Variants in GABRA4 observed in about 807,000 individuals in gnomAD.
GABRA4 encodes the protein gamma-aminobutyric acid receptor subunit alpha-4.
Under a neutral mutation model 49.7 loss-of-function variants are expected in GABRA4, and 12 were observed. The observed-to-expected ratio is 0.24, with a 90% CI of 0.15 to 0.39. The LOEUF (loss-of-function observed/expected upper bound fraction) is 0.39, where lower values mean the gene tolerates loss of function less well. Among genes scored for constraint, GABRA4 ranks in the 10% least tolerant of loss-of-function variants. The probability of loss-of-function intolerance (pLI) is 1.00; values close to 1 mark genes in which losing one functional copy is unlikely to be tolerated. For missense variants in GABRA4, 506 were observed against 686.0 expected (o/e 0.74, Z 2.93); for synonymous variants, 288 against 240.2 (o/e 1.20, Z -1.84).
chr4:46,977,307 A>T (rs1723172197), intron 4 of GABRA4, 103 bp downstream of exon 4: 1 of 418,952 alleles, frequency 2.4e-6, no homozygotes, highest in Non-Finnish European at 4.3e-6. Context: ...GGAGGGAGGA[A>T]GGGAGGGAGG....
intron 2 of GABRA4, among the ~76,000 whole-genome samples, 175 bp from the exon 3 acceptor site, chr4:46,979,273 G>A (rs1249108933): frequency 3.3e-5 from 5 of 152,022 alleles, no homozygotes; most frequent in African/African-American, 1.2e-4. Context: ...AGCGCAACAA[G>A]ACCAGAAAGC....
At chr4:46,940,692 C>T (rs904165768) in intron 8 of GABRA4, among the ~76,000 whole-genome samples, 1 of 151,962 alleles carries the variant, frequency 6.6e-6, no homozygotes, top group Non-Finnish European at 1.5e-5. Flanking sequence ...ACTGTGACAC[C>T]GATTGGTAGC....
At position 46,968,864 on chromosome 4, in the gene GABRA4, T is replaced by C. The variant is rs1274942176; in HGVS notation, c.874+2219A>G. Among the ~76,000 whole-genome samples the C allele has an allele frequency of 2.0e-5, 3 of 151,568 alleles. No homozygotes were observed. In the East Asian group the frequency reaches 5.8e-4, roughly 29 times the overall value. ...AAATAAATAAAAGGTTATCAAGTCA[T>C]CACAATAATAATAATATATGGCAGA... On this transcript the variant is annotated intron_variant, in intron 7 of 8. Transcript: ENST00000264318.
rs188280448 is a variant in GABRA4 at position 46,921,428 on chromosome 4, C to A, written c.*6797G>T. ...AATCTCAGAGGAAAACTCTGGGATT[C>A]CCCTATAGAAACTAAAGAAGCTTGC... On this transcript the variant is annotated 3_prime_UTR_variant, in exon 9 of 9. Coordinates refer to ENST00000264318, the MANE Select transcript of GABRA4 (RefSeq NM_000809.4). The A allele has an allele frequency of 1.3e-5, 2 of 151,876 alleles. No individual in the cohort carries two copies. Among genetic ancestry groups the A allele is most frequent in the Non-Finnish European group, 2.9e-5 (2 of 67,888 alleles). 9.4% of individuals were successfully genotyped at this position (151,876 alleles called of 1,614,324 possible).
At chr4:46,933,948 T>G (rs1721525901) in intron 8 of GABRA4, among the ~76,000 whole-genome samples, 1 of 152,126 alleles carries the variant, frequency 6.6e-6, no homozygotes, top group South Asian at 2.1e-4. Flanking sequence ...CAGGAGCAGA[T>G]CCAGGCAATT....
At chr4:46,986,427 C>CT (rs1205916495) in intron 2 of GABRA4, among the ~76,000 whole-genome samples, 1 of 151,814 alleles carries the variant, frequency 6.6e-6, no homozygotes, top group Non-Finnish European at 1.5e-5. Flanking sequence ...TTTATTTTTT[C>CT]TTTCTTTATT....
chr4:46,962,944 A>G (rs1317951092), intron 8 of GABRA4, among the ~76,000 whole-genome samples: 1 of 151,820 alleles, frequency 6.6e-6, no homozygotes, highest in Non-Finnish European at 1.5e-5. Context: ...TCTGCCATAT[A>G]CAAGAATCAA....
intron 8 of GABRA4, among the ~76,000 whole-genome samples, chr4:46,952,199 A>G (rs571231682): frequency 6.6e-6 from 1 of 152,152 alleles, no homozygotes; most frequent in East Asian, 1.9e-4. Context: ...TTCAAGAGCT[A>G]TAGACTGAGG....
intron 2 of GABRA4, among the ~76,000 whole-genome samples, chr4:46,983,559 C>A (rs1328412891): frequency 1.3e-5 from 2 of 152,042 alleles, no homozygotes; most frequent in Non-Finnish European, 2.9e-5. Context: ...AAATATTCCC[C>A]ATTTTAAGAA....
At chr4:46,942,729 G>A (rs1721851847) in intron 8 of GABRA4, among the ~76,000 whole-genome samples, 1 of 151,408 alleles carries the variant, frequency 6.6e-6, no homozygotes, top group Non-Finnish European at 1.5e-5. Context: ...CTATATTCTA[G>A]CAATGTTCCA....
At chr4:46,970,332 T>A (rs1722907153) in intron 7 of GABRA4, among the ~76,000 whole-genome samples, 1 of 151,510 alleles carries the variant, frequency 6.6e-6, no homozygotes, top group African/African-American at 2.4e-5. Context: ...CTTCTTATTC[T>A]ACTACTGAAT....
chr4:46,971,254 G>A lies in GABRA4; in HGVS notation c.722-19C>T. The A allele has an allele frequency of 6.2e-7, 1 of 1,606,858 alleles. No homozygotes were observed. Among genetic ancestry groups the A allele is most frequent in the Non-Finnish European group, 8.5e-7 (1 of 1,175,330 alleles). The stretch of plus-strand genomic sequence containing the variant: ...TATTCACCTGCCAAGAAAACAGGAG[G>A]AAAATGTGTTATCGGTTCTGCAGGC... On this transcript the variant is annotated intron_variant, in intron 6 of 8. Coordinates refer to ENST00000264318, the MANE Select transcript of GABRA4 (RefSeq NM_000809.4).
chr4:46,970,579 TA>T (rs1383414145), intron 7 of GABRA4, among the ~76,000 whole-genome samples: 1 of 151,404 alleles, frequency 6.6e-6, no homozygotes, highest in Admixed American at 6.6e-5. Flanking sequence ...AAGAAGTAAG[TA>T]AATATATGAG....
chr4:46,986,962 A>G (rs1303754498), intron 2 of GABRA4, among the ~76,000 whole-genome samples: 2 of 152,150 alleles, frequency 1.3e-5, no homozygotes, highest in African/African-American at 2.4e-5. Flanking sequence ...TGGTCAAAGT[A>G]TCCATCATTT....
intron 5 of GABRA4, among the ~76,000 whole-genome samples, chr4:46,976,307 C>T (rs1723136291): frequency 8.1e-6 from 1 of 123,452 alleles, no homozygotes; most frequent in South Asian, 2.7e-4. Context: ...CAACAGCCTC[C>T]ATTTCTTCTC....
At chr4:46,969,624 A>C (rs573372158) in intron 7 of GABRA4, among the ~76,000 whole-genome samples, 1 of 151,686 alleles carries the variant, frequency 6.6e-6, no homozygotes, top group East Asian at 2.0e-4. Flanking sequence ...TATTGGAGAA[A>C]GTAATTAATA....
intron 8 of GABRA4, among the ~76,000 whole-genome samples, chr4:46,964,475 T>C (rs920294987): frequency 6.6e-6 from 1 of 151,882 alleles, no homozygotes; most frequent in Admixed American, 6.6e-5. Context: ...CCATTTTCCA[T>C]GATGTGCTTA....
chr4:46,988,112 T>C (rs1414273246), intron 2 of GABRA4, among the ~76,000 whole-genome samples: 3 of 152,162 alleles, frequency 2.0e-5, no homozygotes, highest in Non-Finnish European at 2.9e-5. Context: ...TACTTTTCTC[T>C]TACTCTTTTC....
intron 8 of GABRA4, among the ~76,000 whole-genome samples, chr4:46,931,711 C>G (rs1054994419): frequency 6.6e-6 from 1 of 152,116 alleles, no homozygotes; most frequent in Non-Finnish European, 1.5e-5. Flanking sequence ...CTCAACAGTT[C>G]TTACTTGCTT....
Sources: allele counts gnomAD v4.1 joint callset (sites outside exome capture counted in the v4.1 genomes callset), GRCh38; gene constraint gnomAD v4.1.1; transcripts MANE v1.5; gene names NCBI Gene and HGNC (gene_info 2026-07-23, HGNC 2026-07-21).